The following CACNG4 variants were observed in gnomAD, a reference collection of about 807,000 sequenced individuals.
CACNG4 encodes calcium voltage-gated channel auxiliary subunit gamma 4, also known as voltage-dependent calcium channel gamma-4 subunit.
Under a neutral mutation model 22.9 loss-of-function variants are expected in CACNG4, and 8 were observed. The observed-to-expected ratio is 0.35, with a 90% CI of 0.21 to 0.63. CACNG4 has a LOEUF of 0.63. Ranked by LOEUF, CACNG4 falls within the 30% of genes least tolerant of loss-of-function variation. The pLI is 0.72. For synonymous variants in CACNG4, 188 were observed against 191.9 expected (o/e 0.98, Z 0.17); for missense variants, 357 against 455.4 (o/e 0.78, Z 1.97).
chr17:66,967,060 G>C (rs1332965995), intron 1 of CACNG4, among the ~76,000 whole-genome samples: 1 of 152,208 alleles, frequency 6.6e-6, no homozygotes. Flanking sequence ...TGTGGACCCA[G>C]GGCCTTCCAG....
At chr17:66,973,695 A>G (rs1158677812) in intron 1 of CACNG4, among the ~76,000 whole-genome samples, 1 of 152,202 alleles carries the variant, frequency 6.6e-6, no homozygotes, top group African/African-American at 2.4e-5. Flanking sequence ...AGTCTCAGAG[A>G]AGCGGCACTG....
intron 1 of CACNG4, among the ~76,000 whole-genome samples, chr17:67,013,638 C>G (rs369129801): frequency 6.6e-6 from 1 of 152,034 alleles, no homozygotes; most frequent in Non-Finnish European, 1.5e-5. Flanking sequence ...AACCCCATCT[C>G]TACCAAAAAT....
Position 67,031,920 on chromosome 17 carries a change from G to A in CACNG4, c.*916G>A, listed in dbSNP as rs1482286429. 2.2e-6 allele frequency: 1 copy of A among 456,698 alleles called. No individual in the cohort carries two copies. Among genetic ancestry groups the A allele is most frequent in the Non-Finnish European group, 4.4e-6 (1 of 226,984 alleles). The allele number at this position is 456,698 out of a possible 1,614,324, so 28.3% of individuals were successfully genotyped here. ...GACACCTCCCTCCAACTGGCATTTGGCAACAGGAGCCTGGACTTCTGTGCA... is the reference window on the plus strand; with the variant it reads ...GACACCTCCCTCCAACTGGCATTTGACAACAGGAGCCTGGACTTCTGTGCA... On this transcript the variant is annotated 3_prime_UTR_variant, in exon 4 of 4. Transcript: ENST00000262138. This position sits in a 1 kb window ranked among gnomAD's most constrained non-coding sequence, Gnocchi z 4.0.
chr17:67,010,651 A>T (rs187402402), intron 1 of CACNG4, among the ~76,000 whole-genome samples: 1 of 152,252 alleles, frequency 6.6e-6, no homozygotes, highest in African/African-American at 2.4e-5. Flanking sequence ...CTATCAGCCC[A>T]GCTAAAGTCC....
chr17:67,024,718 GAGTCTCC>G, intron 2 of CACNG4, 135 bp from the exon 3 acceptor site: 2 of 939,874 alleles, frequency 2.1e-6, no homozygotes, highest in Non-Finnish European at 3.0e-6. Context: ...GGCCCACCTC[GAGTCTCC>G]AGGTCCTGAT....
At chr17:67,018,089 C>T in intron 1 of CACNG4, 100 bp from the exon 2 acceptor site, 1 of 873,228 alleles carries the variant, frequency 1.1e-6, no homozygotes, top group Non-Finnish European at 1.9e-6. Flanking sequence ...GTCCCCAGGA[C>T]CTGCACAGAG....
Position 67,032,178 on chromosome 17 carries a change from G to C in CACNG4, c.*1174G>C, listed in dbSNP as rs193103950. ...TGGAGTGAGTTTGGATAAACGGACCGAGCTGGGCTTCTCTTCCTCCCTACA... is the reference window on the plus strand; with the variant it reads ...TGGAGTGAGTTTGGATAAACGGACCCAGCTGGGCTTCTCTTCCTCCCTACA... On this transcript the variant is annotated 3_prime_UTR_variant, in exon 4 of 4. Coordinates refer to ENST00000262138, the MANE Select transcript of CACNG4 (RefSeq NM_014405.4). The C allele has an allele frequency of 2.7e-6, 1 of 365,296 alleles. No homozygotes were observed. Among genetic ancestry groups the C allele is most frequent in the Non-Finnish European group, 5.4e-6 (1 of 185,162 alleles). The allele number at this position is 365,296 out of a possible 1,614,324, so 22.6% of individuals were successfully genotyped here.
In CACNG4 at chr17:67,030,152, GGTGT is replaced by G. The variant is rs34332552; in HGVS notation, c.446-296_446-293del. On this transcript the variant is annotated intron_variant, in intron 3 of 3. Transcript: ENST00000262138. The surrounding 1 kb of genome is among the most constrained non-coding windows in gnomAD (Gnocchi z 6.4). ...AGTACTGTGCAAAGGAAATAATAGG[GGTGT>G]GTGTGTGTGTGTGTGTGAAGAGAGA... 0.22 allele frequency among the ~76,000 whole-genome samples: 19,853 copies of G among 88,508 alleles called. 1,571 individuals carry two copies. Among genetic ancestry groups the G allele is most frequent in the Admixed American group, 0.28 (2,054 of 7,330 alleles). 58.1% of individuals were successfully genotyped at this position (88,508 alleles called of 152,430 possible). A position where few individuals can be genotyped will look rare whatever the true frequency, so the allele number is the denominator to read the frequency against.
At chr17:66,986,435 C>T (rs370983686) in intron 1 of CACNG4, among the ~76,000 whole-genome samples, 1 of 152,242 alleles carries the variant, frequency 6.6e-6, no homozygotes, top group African/African-American at 2.4e-5. Context: ...TGAATTAGGA[C>T]AGTGGAATGG....
chr17:67,002,044 G>A (rs1598114505), intron 1 of CACNG4, among the ~76,000 whole-genome samples: 1 of 152,244 alleles, frequency 6.6e-6, no homozygotes, highest in African/African-American at 2.4e-5. Context: ...ACAGGTATGG[G>A]AGTGTATTCA....
At position 66,988,819 on chromosome 17, in the gene CACNG4, G is replaced by A. The variant is rs184256833; in HGVS notation, c.220+23688G>A. ...CACGCCTGTGATCTCTGCACTTTGA[G>A]AAGCCAAGGTGGGTGGATCACTTGA... is the stretch of plus-strand genomic sequence containing the variant. On this transcript the variant is annotated intron_variant, in intron 1 of 3. Coordinates refer to ENST00000262138, the MANE Select transcript of CACNG4 (RefSeq NM_014405.4). Among the ~76,000 whole-genome samples the A allele has an allele frequency of 9.1e-3, 1,388 of 152,314 alleles. 20 individuals are homozygous for A. The highest frequency in any genetic ancestry group is 0.02 in the Middle Eastern group (6 of 294).
chr17:66,976,817 T>C (rs2035240591), intron 1 of CACNG4, among the ~76,000 whole-genome samples: 1 of 152,146 alleles, frequency 6.6e-6, no homozygotes, highest in African/African-American at 2.4e-5. Flanking sequence ...CTTTTCCCTC[T>C]GACACCTTGG....
At chr17:66,973,204 C>T (rs1045804429) in intron 1 of CACNG4, among the ~76,000 whole-genome samples, 92 of 150,656 alleles carry the variant, frequency 6.1e-4, no homozygotes, top group African/African-American at 2.2e-3. Flanking sequence ...CTCGCCACTA[C>T]ACCCCAGCCT....
rs377684890 is a variant in CACNG4 at position 67,030,692 on chromosome 17, G to A, written c.672G>A (p.Ala224=). Residue 224 remains alanine, a synonymous_variant, in exon 4 of 4, where the codon GCG becomes GCA. Coordinates refer to ENST00000262138, the MANE Select transcript of CACNG4 (RefSeq NM_014405.4). The surrounding 1 kb of genome is among the most constrained non-coding windows in gnomAD (Gnocchi z 6.4). ...AGACCAAACGGGAATTCCTTAAGGCGTCTTCCTCTTCTCCTTATGCCAGGA... is the reference window on the plus strand; with the variant it reads ...AGACCAAACGGGAATTCCTTAAGGCATCTTCCTCTTCTCCTTATGCCAGGA... ...RFKTKREFLK[A]SSSSPYARMP... 5.4e-5 allele frequency: 87 copies of A among 1,614,098 alleles called. No homozygotes were observed. The highest frequency in any genetic ancestry group is 6.4e-5 in the Non-Finnish European group (75 of 1,180,056).
chr17:67,021,929 G>A (rs923044695), intron 2 of CACNG4, among the ~76,000 whole-genome samples: 4 of 152,164 alleles, frequency 2.6e-5, no homozygotes, highest in African/African-American at 9.7e-5. Context: ...CTGCACCACT[G>A]TCCGTGGCAA....
intron 1 of CACNG4, among the ~76,000 whole-genome samples, chr17:66,990,100 T>G (rs923781798): frequency 6.6e-6 from 1 of 152,222 alleles, no homozygotes; most frequent in Non-Finnish European, 1.5e-5. Flanking sequence ...ATCCGCTGCT[T>G]AAGTCTTCAA....
chr17:66,993,558 A>G (rs1395542937), intron 1 of CACNG4, among the ~76,000 whole-genome samples: 1 of 152,130 alleles, frequency 6.6e-6, no homozygotes, highest in African/African-American at 2.4e-5. Flanking sequence ...TGCACACACA[A>G]GGGGGCTCAC....
At chr17:66,974,176 C>T (rs1404430092) in intron 1 of CACNG4, among the ~76,000 whole-genome samples, 2 of 152,126 alleles carry the variant, frequency 1.3e-5, no homozygotes, top group African/African-American at 2.4e-5. Flanking sequence ...TCCACAGTAC[C>T]GACTGCAGAA....
chr17:67,005,108 A>G (rs914447732), intron 1 of CACNG4, among the ~76,000 whole-genome samples: 3 of 152,214 alleles, frequency 2.0e-5, no homozygotes, highest in African/African-American at 4.8e-5. Context: ...GGAAGGAAAG[A>G]GGCAGGAGCC....
Sources: gnomAD v4.1 joint callset for allele counts (sites outside exome capture counted in the v4.1 genomes callset) on GRCh38, gnomAD v4.1.1 for gene constraint, Gnocchi (gnomAD v3.1) non-coding constraint, MANE v1.5 for transcripts, NCBI Gene and HGNC (gene_info 2026-07-23, HGNC 2026-07-21) for gene names.